The following RTCA variants were observed in gnomAD, a reference collection of about 807,000 sequenced individuals.
RTCA encodes the protein RNA 3'-terminal phosphate cyclase.
RTCA carries 37 observed loss-of-function variants against 46.1 expected under a neutral mutation model. The observed-to-expected ratio is 0.80, with a 90% CI of 0.62 to 1.06. The LOEUF is 1.06. Ranked by LOEUF, RTCA falls within the 50% of genes least tolerant of loss-of-function variation. RTCA has a pLI of 0.00. For missense variants in RTCA, 435 were observed against 455.5 expected, an observed-to-expected ratio of 0.95 and a Z score of 0.41; for synonymous variants, 164 against 158.3, an observed-to-expected ratio of 1.04 and a Z score of -0.27.
Position 100,273,451 on chromosome 1 carries a change from A to G in RTCA, c.472A>G (p.Arg158Gly). 8 of 1,568,550 alleles carry G rather than the reference A, an allele frequency of 5.1e-6. No homozygotes were observed. The highest frequency in any genetic ancestry group is 6.9e-6 in the Non-Finnish European group (8 of 1,151,584). Residue 158 changes from arginine (R) to glycine (G), a missense_variant and splice_region_variant, in exon 5 of 11, where the codon AGG becomes GGG. Arg to Gly is a moderately radical substitution (Grantham distance 125). Transcript: ENST00000370128. Reference protein sequence around the residue: ...GFIFNCDIKTRGYYPKGGGEV... With the variant: ...GFIFNCDIKTGGYYPKGGGEV... The stretch of plus-strand genomic sequence containing the variant: ...CATATTTAATTGTGACATTAAAACA[A>G]GGTAAGTTGCTTGTTTCTTAAATGT...
chr1:100,275,661 T>A lies in RTCA; in HGVS notation c.678T>A (p.Tyr226Ter), dbSNP rs1666330697. 5 of 1,612,744 alleles carry A rather than the reference T, an allele frequency of 3.1e-6. No homozygotes were observed. The highest frequency in any genetic ancestry group is 4.2e-6 in the Non-Finnish European group (5 of 1,179,264). Residue 226 changes from tyrosine to a stop codon, truncating the protein, a stop_gained, in exon 7 of 11, where the codon TAT becomes TAA. Coordinates refer to ENST00000370128, the MANE Select transcript of RTCA (RefSeq NM_003729.4). LOFTEE classifies it high-confidence loss of function. ...RCIRKEIRDLYVNIQPVQEPK... is the reference protein window; with the variant it reads ...RCIRKEIRDL ...TCAGAAAGGAGATCCGGGATTTGTA[T>A]GTTAACATCCAGCCTGTTCAAGAAC...
chr1:100,280,764 G>A (rs1666665636), intron 8 of RTCA, among the ~76,000 whole-genome samples: 1 of 152,166 alleles, frequency 6.6e-6, no homozygotes, highest in Non-Finnish European at 1.5e-5. Context: ...CACTTTGGGA[G>A]GCCAAGGTGA....
chr1:100,267,187 C>T (rs1419636638), intron 2 of RTCA: 5 of 298,456 alleles, frequency 1.7e-5, no homozygotes, highest in Non-Finnish European at 2.5e-5. Flanking sequence ...ACTAGTTGAG[C>T]TTCAGGTACA....
At chr1:100,289,881 C>T (rs919055215) in intron 10 of RTCA, among the ~76,000 whole-genome samples, 1 of 152,168 alleles carries the variant, frequency 6.6e-6, no homozygotes, top group Non-Finnish European at 1.5e-5. Flanking sequence ...GATAGGCCTG[C>T]TATGCTCCTT....
At chr1:100,286,432 G>C (rs1667030223) in intron 9 of RTCA, among the ~76,000 whole-genome samples, 1 of 140,140 alleles carries the variant, frequency 7.1e-6, no homozygotes, top group South Asian at 2.3e-4. Context: ...TCCAGCCTGG[G>C]TGGCAGAGCA....
Position 100,266,268 on chromosome 1 carries a change from C to A in RTCA, c.-108C>A. Reference sequence around the variant, plus strand: ...GCTTTCTCGTCAGGCTCCTGCGCCCCAGGCATGAACCAAGGTTTCTGAACT... The same window carrying A: ...GCTTTCTCGTCAGGCTCCTGCGCCCAAGGCATGAACCAAGGTTTCTGAACT... On this transcript the variant is annotated 5_prime_UTR_variant, in exon 1 of 11. Transcript: ENST00000370128. 1 of 1,397,200 alleles carries A rather than the reference C, an allele frequency of 7.2e-7. No homozygotes were observed. The allele number at this position is 1,397,200 out of a possible 1,614,324, so 86.6% of individuals were successfully genotyped here.
At chr1:100,289,830 T>A (rs1271727366) in intron 10 of RTCA, among the ~76,000 whole-genome samples, 1 of 152,232 alleles carries the variant, frequency 6.6e-6, no homozygotes, top group Non-Finnish European at 1.5e-5. Flanking sequence ...TCTTTCTTTG[T>A]CTCAATGCAA....
intron 9 of RTCA, among the ~76,000 whole-genome samples, chr1:100,286,114 C>G (rs1470836121): frequency 6.6e-6 from 1 of 152,152 alleles, no homozygotes; most frequent in African/African-American, 2.4e-5. Context: ...ATAATATCCC[C>G]TATGCCTGTC....
intron 8 of RTCA, among the ~76,000 whole-genome samples, chr1:100,283,699 A>C (rs1277886392): frequency 6.6e-6 from 1 of 152,124 alleles, no homozygotes; most frequent in African/African-American, 2.4e-5. Flanking sequence ...AGATTCACAA[A>C]ACATGTTTCA....
rs1570893216 is a variant in RTCA at position 100,288,252 on chromosome 1, CTT to C, written c.999+1051_999+1052del. Among the ~76,000 whole-genome samples the C allele has an allele frequency of 1.3e-5, 2 of 152,274 alleles. 1 individual carries two copies. The highest frequency in any genetic ancestry group is 6.8e-3 in the Middle Eastern group (2 of 294). On this transcript the variant is annotated intron_variant, in intron 10 of 10. Transcript: ENST00000370128. The stretch of plus-strand genomic sequence containing the variant: ...TTTCCTCTTCTCCTAAATCGTTTCT[CTT>C]TGCATTTTTTGCAGTTAATGCATAC...
chr1:100,271,832 T>C (rs558761028), intron 4 of RTCA, among the ~76,000 whole-genome samples: 4 of 152,328 alleles, frequency 2.6e-5, no homozygotes, highest in African/African-American at 7.2e-5. Flanking sequence ...AATTCCCTTA[T>C]ACGTTTTTGT....
chr1:100,277,607 C>G (rs1570882395), intron 8 of RTCA, among the ~76,000 whole-genome samples: 3 of 152,222 alleles, frequency 2.0e-5, no homozygotes, highest in Admixed American at 2.0e-4. Flanking sequence ...ATTTCTGAGC[C>G]ATTTCAATAT....
chr1:100,271,525 T>A (rs1391773399), intron 4 of RTCA, among the ~76,000 whole-genome samples: 1 of 152,196 alleles, frequency 6.6e-6, no homozygotes, highest in East Asian at 1.9e-4. Context: ...ATGTGTTATT[T>A]TATAAATACA....
intron 8 of RTCA, among the ~76,000 whole-genome samples, chr1:100,283,203 A>G (rs1042068274): frequency 1.6e-5 from 2 of 124,322 alleles, no homozygotes; most frequent in African/African-American, 3.1e-5. Context: ...ACAGAATCTC[A>G]TGTGTCACCC....
At chr1:100,267,468 A>C in intron 2 of RTCA, 1 of 1,505,568 alleles carries the variant, frequency 6.6e-7, no homozygotes, top group Non-Finnish European at 8.9e-7. Flanking sequence ...CACAGAGTGG[A>C]GCTTAAACAA....
At chr1:100,275,998 G>A (rs1329648247) in intron 7 of RTCA, among the ~76,000 whole-genome samples, 1 of 151,836 alleles carries the variant, frequency 6.6e-6, no homozygotes, top group Non-Finnish European at 1.5e-5. Context: ...ACCACGCCCA[G>A]CTAATTTTTT....
In RTCA at chr1:100,285,869, A is replaced by G. The variant is rs536470038; in HGVS notation, c.894+547A>G. On this transcript the variant is annotated intron_variant, in intron 9 of 10. Transcript: ENST00000370128. ...GGCTAATCCTAAACTCTGGCACCCA[A>G]GTGATCCTCCCACTTTGGCCTCCCA... Among the ~76,000 whole-genome samples the G allele has an allele frequency of 7.9e-5, 12 of 152,330 alleles. No homozygotes were observed. The South Asian group carries it at 2.5e-3, about 32-fold the overall frequency.
At chr1:100,290,949 A>G (rs983145305) in intron 10 of RTCA, among the ~76,000 whole-genome samples, 2 of 152,156 alleles carry the variant, frequency 1.3e-5, no homozygotes, top group African/African-American at 4.8e-5. Context: ...TTTGAACGAT[A>G]TATATAGGGA....
chr1:100,277,054 C>T (rs946133017), intron 7 of RTCA, among the ~76,000 whole-genome samples: 1 of 152,134 alleles, frequency 6.6e-6, no homozygotes, highest in African/African-American at 2.4e-5. Context: ...TGTGACTTCT[C>T]CTGGTCAAGT....
Sources: allele counts gnomAD v4.1 joint callset (sites outside exome capture counted in the v4.1 genomes callset), GRCh38; gene constraint gnomAD v4.1.1; transcripts MANE v1.5; gene names NCBI Gene and HGNC (gene_info 2026-07-23, HGNC 2026-07-21).